The following NOXRED1 variants were observed in gnomAD, a reference collection of about 807,000 sequenced individuals.
NOXRED1 encodes the protein NADP dependent oxidoreductase domain containing 1.
A neutral mutation model predicts 30.4 loss-of-function variants in NOXRED1; 20 were observed. The ratio of observed to expected loss-of-function variants is 0.66; its 90% CI spans 0.46 to 0.96. The LOEUF (loss-of-function observed/expected upper bound fraction) is 0.96, where lower values mean the gene tolerates loss of function less well. NOXRED1 is among the 40% of genes least tolerant of loss of function. The probability of loss-of-function intolerance (pLI) is 0.00; values close to 1 mark genes in which losing one functional copy is unlikely to be tolerated. For synonymous variants in NOXRED1, 155 were observed against 168.0 expected, an observed-to-expected ratio of 0.92 and a Z score of 0.60; for missense variants, 374 against 428.0, an observed-to-expected ratio of 0.87 and a Z score of 1.11.
rs1465677113 is a variant in NOXRED1, at chr14:77,422,913, T to A, written c.-24A>T. On this transcript the variant is annotated 5_prime_UTR_variant, in exon 1 of 6. Transcript: ENST00000380835. ...ATTTCCAAGCCACTATTTCCTGCAGTGATAGACACTAATCAATTTGGCTCC... is the reference window on the plus strand; with the variant it reads ...ATTTCCAAGCCACTATTTCCTGCAGAGATAGACACTAATCAATTTGGCTCC... The A allele has an allele frequency of 1.2e-5, 19 of 1,599,566 alleles. No homozygotes were observed. The highest frequency in any genetic ancestry group is 1.5e-5 in the Non-Finnish European group (18 of 1,173,024).
intron 1 of NOXRED1, among the ~76,000 whole-genome samples, chr14:77,418,191 G>A (rs1894881864): frequency 6.6e-6 from 1 of 151,930 alleles, no homozygotes; most frequent in Non-Finnish European, 1.5e-5. Flanking sequence ...CTAGAGTACA[G>A]TGGCGTGAAC....
chr14:77,420,533 G>GCCTGTAA (rs1040733721), intron 1 of NOXRED1, among the ~76,000 whole-genome samples: 2 of 151,652 alleles, frequency 1.3e-5, no homozygotes, highest in African/African-American at 4.8e-5. Flanking sequence ...CAAATTACAG[G>GCCTGTAA]CCTGTAATCT....
rs750330038 is a variant in NOXRED1, at chr14:77,394,790, A to G, written c.921T>C (p.Phe307=). Residue 307 remains phenylalanine (F), a synonymous_variant, in exon 6 of 6, where the codon TTT becomes TTC. Transcript: ENST00000380835. ...CCTTGAGTTGCACAGCAGTCAGATCAAACCAGGGGAAAGGCCTGAGGTGAA... is the reference window on the plus strand; with the variant it reads ...CCTTGAGTTGCACAGCAGTCAGATCGAACCAGGGGAAAGGCCTGAGGTGAA... ...NLSQERPFPW[F]DLTAVQLKET... The G allele has an allele frequency of 3.7e-6, 6 of 1,613,092 alleles. No homozygotes were observed. Among genetic ancestry groups the G allele is most frequent in the Admixed American group, 1.7e-5 (1 of 59,958 alleles).
chr14:77,406,208 C>T, intron 4 of NOXRED1, 73 bp from the exon 5 acceptor site: 2 of 1,058,120 alleles, frequency 1.9e-6, no homozygotes, highest in Non-Finnish European at 2.8e-6. Context: ...AGAATAAACC[C>T]CTGACAGTGA....
At chr14:77,407,415 T>C (rs373850718) in intron 3 of NOXRED1, 50 bp downstream of exon 3, 9 of 1,382,302 alleles carry the variant, frequency 6.5e-6, no homozygotes, top group African/African-American at 5.7e-5. Flanking sequence ...AAGTCAGAGA[T>C]AAGGAGACAG....
At chr14:77,410,678 A>G (rs183797573) in intron 2 of NOXRED1, among the ~76,000 whole-genome samples, 259 of 152,284 alleles carry the variant, frequency 1.7e-3, no homozygotes, top group African/African-American at 5.9e-3. Context: ...ATACAGGCAC[A>G]CCAACAGAAA....
At chr14:77,414,169 A>C (rs1169727147) in intron 1 of NOXRED1, 42 bp from the exon 2 acceptor site, 3 of 1,210,130 alleles carry the variant, frequency 2.5e-6, no homozygotes, top group South Asian at 3.3e-5. Flanking sequence ...ATACATGCAC[A>C]CACTAGTTTT....
chr14:77,424,600 T>C (rs1895077650), upstream of NOXRED1, among the ~76,000 whole-genome samples: 1 of 152,244 alleles, frequency 6.6e-6, no homozygotes, highest in African/African-American at 2.4e-5. Context: ...TGTTGCCAAG[T>C]AATGCTTCCT....
intron 2 of NOXRED1, among the ~76,000 whole-genome samples, chr14:77,413,295 G>A (rs1189559948): frequency 6.7e-6 from 1 of 148,960 alleles, no homozygotes; most frequent in East Asian, 2.0e-4. Context: ...CTGGAGTGCA[G>A]TGGTGTGATC....
rs202246577 is a variant in NOXRED1 at position 77,394,604 on chromosome 14, G to C, written c.*27C>G. The C allele has an allele frequency of 1.0e-5, 16 of 1,583,284 alleles. No homozygotes were observed. In the African/African-American group the frequency reaches 1.9e-4, roughly 19 times the overall value. On this transcript the variant is annotated 3_prime_UTR_variant, in exon 6 of 6. Transcript: ENST00000380835. Reference sequence around the variant, plus strand: ...CTATTATAGGGAAAATCTGTGAGTGGGAAAAAATCCTGATTCCTGAGTTCT... The same window carrying C: ...CTATTATAGGGAAAATCTGTGAGTGCGAAAAAATCCTGATTCCTGAGTTCT...
At chr14:77,407,218 T>C (rs1031196240) in intron 3 of NOXRED1, among the ~76,000 whole-genome samples, 4 of 152,228 alleles carry the variant, frequency 2.6e-5, no homozygotes, top group African/African-American at 9.6e-5. Context: ...TGGGAATAAA[T>C]GTTCTATTGC....
At chr14:77,406,930 C>T in intron 3 of NOXRED1, 55 bp from the exon 4 acceptor site, 1 of 1,515,344 alleles carries the variant, frequency 6.6e-7, no homozygotes, top group South Asian at 1.2e-5. Flanking sequence ...TAAATGACGA[C>T]ATAACCCACT....
chr14:77,408,645 C>T (rs1894549428), intron 2 of NOXRED1, among the ~76,000 whole-genome samples: 1 of 152,124 alleles, frequency 6.6e-6, no homozygotes, highest in East Asian at 1.9e-4. Context: ...AAACGAGTAG[C>T]AGTCCCATTT....
At chr14:77,422,660 A>T in intron 1 of NOXRED1, 75 bp downstream of exon 1, 1 of 1,478,466 alleles carries the variant, frequency 6.8e-7, no homozygotes, top group Non-Finnish European at 9.4e-7. Flanking sequence ...CTCCAATATA[A>T]AAAAAATTTA....
At chr14:77,395,265 C>A (rs1335107484) in intron 5 of NOXRED1, among the ~76,000 whole-genome samples, 1 of 151,762 alleles carries the variant, frequency 6.6e-6, no homozygotes. Context: ...GCCACTACGC[C>A]CAGCCAATTT....
intron 1 of NOXRED1, among the ~76,000 whole-genome samples, chr14:77,421,958 A>G (rs1895003705): frequency 6.6e-6 from 1 of 151,680 alleles, no homozygotes; most frequent in African/African-American, 2.4e-5. Context: ...GAGTACCACC[A>G]ATAGGTTTAT....
chr14:77,406,798 C>T lies in NOXRED1; in HGVS notation c.608G>A (p.Gly203Glu). The part of the protein sequence containing the change: ...QYDEDSVSVW[G>E]ANKGVIAALQ... ...AGCAGCTATGACTCCCTTATTGGCCCCCCAGACGCTGACAGAATCTTCATC... is the reference window on the plus strand; with the variant it reads ...AGCAGCTATGACTCCCTTATTGGCCTCCCAGACGCTGACAGAATCTTCATC... Residue 203 changes from glycine (G) to glutamate (E), a missense_variant, in exon 4 of 6, where the codon GGG becomes GAG. Physicochemically the swap from Gly to Glu is moderately conservative, Grantham distance 98. Transcript: ENST00000380835. 2 of 1,613,946 alleles carry T rather than the reference C, an allele frequency of 1.2e-6. No homozygotes were observed. The highest frequency in any genetic ancestry group is 1.7e-6 in the Non-Finnish European group (2 of 1,179,840).
chr14:77,424,829 T>C (rs1895085168), upstream of NOXRED1, among the ~76,000 whole-genome samples: 1 of 152,236 alleles, frequency 6.6e-6, no homozygotes, highest in South Asian at 2.1e-4. Context: ...ACCAGAGATA[T>C]TTCTATGCAA....
chr14:77,400,420 G>A (rs140351996), intron 5 of NOXRED1, among the ~76,000 whole-genome samples: 183 of 152,310 alleles, frequency 1.2e-3, no homozygotes, highest in African/African-American at 4.3e-3. Flanking sequence ...CTATGTGCCC[G>A]TGACACAGCC....
Sources: gnomAD v4.1 joint callset for allele counts (sites outside exome capture counted in the v4.1 genomes callset) on GRCh38, gnomAD v4.1.1 for gene constraint, MANE v1.5 for transcripts, NCBI Gene and HGNC (gene_info 2026-07-23, HGNC 2026-07-21) for gene names.